The following FALEC variants were observed in gnomAD, a reference collection of about 807,000 sequenced individuals.
FALEC encodes focally amplified lncRNA on chromosome 1.
intron 1 of FALEC, among the ~76,000 whole-genome samples, chr1:150,517,024 C>G (rs1200188744): frequency 2.0e-5 from 3 of 152,088 alleles, no homozygotes; most frequent in African/African-American, 7.2e-5. Flanking sequence ...CCTAGCCAGG[C>G]GCGGTGGCTC....
chr1:150,525,035 G>A, the FALEC span, among the ~76,000 whole-genome samples: 11 of 147,002 alleles, frequency 7.5e-5, no homozygotes, highest in East Asian at 2.0e-4. Context: ...AGTGGCTCAC[G>A]CCTGTAATTC....
At chr1:150,534,671 G>A in the FALEC span, among the ~76,000 whole-genome samples, 17 of 151,916 alleles carry the variant, frequency 1.1e-4, no homozygotes, top group South Asian at 2.1e-4. Context: ...GTGAAACCCC[G>A]TCTGTACTAA....
the FALEC span, among the ~76,000 whole-genome samples, chr1:150,532,680 T>C: frequency 6.6e-6 from 1 of 151,538 alleles, no homozygotes; most frequent in Non-Finnish European, 1.5e-5. Context: ...GCATAGTGTG[T>C]GCGCCAGGCC....
chr1:150,518,618 C>T (rs967900432), downstream of FALEC, among the ~76,000 whole-genome samples: 1 of 151,726 alleles, frequency 6.6e-6, no homozygotes. Context: ...GAACTCCTGA[C>T]CTCAGGTGAT....
chr1:150,522,855 ATATATATATACG>A (rs1670662971), downstream of FALEC, among the ~76,000 whole-genome samples: 2 of 118,036 alleles, frequency 1.7e-5, no homozygotes, highest in South Asian at 4.8e-4. Flanking sequence ...CTCTCTCTAT[ATATATATATACG>A]TATATATACA....
the FALEC span, among the ~76,000 whole-genome samples, chr1:150,536,053 G>A: frequency 5.3e-5 from 8 of 152,202 alleles, no homozygotes; most frequent in Non-Finnish European, 8.8e-5. Context: ...ACATAAGGAC[G>A]CAGCCTATCT....
downstream of FALEC, among the ~76,000 whole-genome samples, chr1:150,522,620 CAA>C (rs752542427): frequency 4.5e-5 from 5 of 111,334 alleles, no homozygotes; most frequent in African/African-American, 1.1e-4. Context: ...GAGACTCTGT[CAA>C]AAAAAAAAAA....
At chr1:150,522,279 G>A (rs1353463178), downstream of FALEC, among the ~76,000 whole-genome samples, 1 of 150,546 alleles carries the variant, frequency 6.6e-6, no homozygotes, top group Non-Finnish European at 1.5e-5. Context: ...GAAAAGCCAT[G>A]TTGTAATCCT....
At chr1:150,523,600 G>A in the FALEC span, among the ~76,000 whole-genome samples, 1 of 149,478 alleles carries the variant, frequency 6.7e-6, no homozygotes, top group Non-Finnish European at 1.5e-5. Flanking sequence ...GTTGTAGTGA[G>A]CCAAGATCAT....
downstream of FALEC, among the ~76,000 whole-genome samples, chr1:150,519,058 AC>A (rs1263146714): frequency 6.6e-6 from 1 of 152,172 alleles, no homozygotes; most frequent in Non-Finnish European, 1.5e-5. Context: ...CTCTGTCTCA[AC>A]AAACAAACAA....
the FALEC span, among the ~76,000 whole-genome samples, chr1:150,535,326 C>T: frequency 2.6e-3 from 390 of 152,246 alleles, 1 homozygote; most frequent in Admixed American, 4.9e-3. Flanking sequence ...TCACTGCAAC[C>T]TCCGCCTCCC....
chr1:150,517,564 A>T (rs915966470), intron 1 of FALEC, among the ~76,000 whole-genome samples: 2 of 152,060 alleles, frequency 1.3e-5, no homozygotes, highest in African/African-American at 4.8e-5. Flanking sequence ...GCCCTCATAA[A>T]TGGGATTAGT....
At chr1:150,531,951 C>T in the FALEC span, among the ~76,000 whole-genome samples, 1 of 152,238 alleles carries the variant, frequency 6.6e-6, no homozygotes, top group Admixed American at 6.5e-5. Flanking sequence ...GTCGCCCAGG[C>T]TGGAGTGCAG....
chr1:150,522,867 G>GTATATATATATATACACA (rs1397962460), downstream of FALEC, among the ~76,000 whole-genome samples: 734 of 68,038 alleles, frequency 0.011, 49 homozygotes, highest in Middle Eastern at 0.036. Context: ...ATATATATAC[G>GTATATATATATATACACA]TATATATACA....
At chr1:150,535,997 A>G in the FALEC span, among the ~76,000 whole-genome samples, 144 of 152,338 alleles carry the variant, frequency 9.5e-4, 1 homozygote, top group Middle Eastern at 3.4e-3. Flanking sequence ...ATGTAAGGCA[A>G]GCCCTGCTCT....
the FALEC span, among the ~76,000 whole-genome samples, chr1:150,535,878 C>A: frequency 6.6e-6 from 1 of 152,206 alleles, no homozygotes; most frequent in African/African-American, 2.4e-5. Context: ...GGTTCTGCAC[C>A]TGGGGCTTAG....
At chr1:150,523,899 T>C in the FALEC span, among the ~76,000 whole-genome samples, 2 of 152,092 alleles carry the variant, frequency 1.3e-5, no homozygotes, top group Non-Finnish European at 2.9e-5. Context: ...GTAGGCAGAA[T>C]GCGATTTGAC....
At chr1:150,518,409 A>T, downstream of FALEC, among the ~76,000 whole-genome samples, 1 of 141,972 alleles carries the variant, frequency 7.0e-6, no homozygotes, top group African/African-American at 2.6e-5. Context: ...TTTAAGATGG[A>T]GTTTCACTCT....
At chr1:150,522,164 G>A (rs587736150), downstream of FALEC, among the ~76,000 whole-genome samples, 7 of 151,176 alleles carry the variant, frequency 4.6e-5, no homozygotes, top group South Asian at 2.1e-4. Flanking sequence ...GGAGAATCGC[G>A]TGCACCCAGG....
Sources: gnomAD v4.1 joint callset for allele counts (sites outside exome capture counted in the v4.1 genomes callset) on GRCh38, gnomAD v4.1.1 for gene constraint, MANE v1.5 for transcripts, NCBI Gene and HGNC (gene_info 2026-07-23, HGNC 2026-07-21) for gene names.